The following PIK3IP1 variants were observed in gnomAD, a reference collection of about 807,000 sequenced individuals.
PIK3IP1 encodes the protein phosphoinositide-3-kinase-interacting protein 1.
PIK3IP1 carries 28 observed loss-of-function variants against 30.7 expected under a neutral mutation model. The ratio of observed to expected loss-of-function variants is 0.91; its 90% confidence interval spans 0.68 to 1.25. The LOEUF is 1.25. Ranked by LOEUF, PIK3IP1 falls within the 50% of genes most tolerant of loss-of-function variation. PIK3IP1 has a pLI of 0.00. For synonymous variants in PIK3IP1, 159 were observed against 140.8 expected (o/e 1.13, Z -0.91); for missense variants, 333 against 346.2 (o/e 0.96, Z 0.30).
intron 5 of PIK3IP1, among the ~76,000 whole-genome samples, chr22:31,288,514 A>G (rs999554732): frequency 6.6e-6 from 1 of 152,234 alleles, no homozygotes; most frequent in African/African-American, 2.4e-5. Context: ...GGAGAATATT[A>G]CAGACACCCA....
At chr22:31,288,033 C>T (rs1170269980) in intron 5 of PIK3IP1, among the ~76,000 whole-genome samples, 1 of 152,102 alleles carries the variant, frequency 6.6e-6, no homozygotes, top group African/African-American at 2.4e-5. Flanking sequence ...TTTAAAGATG[C>T]CCTGCTGGGT....
rs528560954 is a variant in PIK3IP1 at position 31,291,554 on chromosome 22, A to G, written c.71-258T>C. On this transcript the variant is annotated intron_variant, in intron 1 of 5. Coordinates refer to ENST00000215912, the MANE Select transcript of PIK3IP1 (RefSeq NM_052880.5). ...CCCCAGTCAACGCTCAGAGACTGTTAGGTTTTATTTATTTTTGAAACCTGG... is the reference window on the plus strand; with the variant it reads ...CCCCAGTCAACGCTCAGAGACTGTTGGGTTTTATTTATTTTTGAAACCTGG... Among the ~76,000 whole-genome samples the G allele has an allele frequency of 2.8e-5, 4 of 144,940 alleles. No individual in the cohort carries two copies. In the East Asian group the frequency reaches 8.7e-4, roughly 31 times the overall value.
At position 31,291,266 on chromosome 22, in the gene PIK3IP1, C is replaced by T; in HGVS notation, c.101G>A (p.Arg34Gln). The change falls in exon 2 of 6, where the codon CGG becomes CAG. Residue 34 changes from arginine (R) to glutamine (Q), a missense_variant. Arg to Gln is a conservative substitution (Grantham distance 43). Around this residue, in one of 3 missense-constraint regions of PIK3IP1, gnomAD observed 111 missense variants for 100.1 expected, o/e 1.11. Transcript: ENST00000215912. The part of the protein sequence containing the change: ...GCFWDNGHLY[R>Q]EDQTSPAPGL... ...CGGCGCGGGGGAGGTCTGGTCCTCC[C>T]GGTACAGGTGGCCGTTGTCCCAGAA... 1 of 1,555,374 alleles carries T rather than the reference C, an allele frequency of 6.4e-7. No individual in the cohort carries two copies. Among genetic ancestry groups the T allele is most frequent in the South Asian group, 1.2e-5 (1 of 84,384 alleles).
chr22:31,290,789 G>C, intron 3 of PIK3IP1, 176 bp downstream of exon 3: 1 of 911,460 alleles, frequency 1.1e-6, no homozygotes, highest in South Asian at 2.1e-5. Flanking sequence ...CATACGAGTG[G>C]CGGCGGCGGC....
At chr22:31,288,452 A>C (rs1181318270) in intron 5 of PIK3IP1, among the ~76,000 whole-genome samples, 1 of 150,690 alleles carries the variant, frequency 6.6e-6, no homozygotes, top group East Asian at 1.9e-4. Flanking sequence ...AGGAAGGAAA[A>C]ATGCAGGCTA....
At chr22:31,289,722 C>A in intron 3 of PIK3IP1, 23 bp from the exon 4 acceptor site, 1 of 1,551,368 alleles carries the variant, frequency 6.4e-7, no homozygotes. Flanking sequence ...TGGGAAACAG[C>A]TCTCATCAGG....
At chr22:31,289,814 C>CA in intron 3 of PIK3IP1, 115 bp from the exon 4 acceptor site, 1 of 1,108,016 alleles carries the variant, frequency 9.0e-7, no homozygotes, top group Non-Finnish European at 1.3e-6. Context: ...AATTTCCCCC[C>CA]ACACACAACC....
At chr22:31,291,322 A>G in intron 1 of PIK3IP1, 26 bp from the exon 2 acceptor site, 1 of 1,549,850 alleles carries the variant, frequency 6.5e-7, no homozygotes, top group Non-Finnish European at 8.7e-7. Context: ...GCCCCCGGAC[A>G]CAGAATAGCG....
chr22:31,283,239 T>G lies in PIK3IP1; in HGVS notation c.637A>C (p.Met213Leu). 1 of 1,614,190 alleles carries G rather than the reference T, an allele frequency of 6.2e-7. No individual in the cohort carries two copies. The highest frequency in any genetic ancestry group is 1.1e-5 in the South Asian group (1 of 91,086). The change falls in exon 6 of 6, where the codon ATG becomes CTG. Residue 213 changes from methionine to leucine, a missense_variant. Around this residue, in one of 3 missense-constraint regions of PIK3IP1, gnomAD observed 217 missense variants for 227.7 expected, o/e 0.95. Transcript: ENST00000215912. ...GACAAGGGCAGAGTGATTCGCTGCA[T>G]CTCCCTCTCACATACTTTCTGATCA... is the stretch of plus-strand genomic sequence containing the variant. Reference protein sequence around the residue: ...QHDQKVCEREMQRITLPLSAF... With the variant: ...QHDQKVCERELQRITLPLSAF...
intron 3 of PIK3IP1, 87 bp from the exon 4 acceptor site, chr22:31,289,786 G>A: frequency 7.2e-7 from 1 of 1,397,838 alleles, no homozygotes; most frequent in South Asian, 1.3e-5. Context: ...TAGGGTAGAT[G>A]AAGGTGGGTC....
intron 5 of PIK3IP1, among the ~76,000 whole-genome samples, chr22:31,283,683 C>A (rs7288643): frequency 0.38 from 57,883 of 151,476 alleles, 12,806 homozygotes; most frequent in Middle Eastern, 0.56. Context: ...CTCCCACCCC[C>A]CAAAGTACTG....
chr22:31,290,531 T>G, intron 3 of PIK3IP1: 1 of 161,240 alleles, frequency 6.2e-6, no homozygotes, highest in Non-Finnish European at 1.3e-5. Context: ...GCCATTGCCT[T>G]TGGTAAATCG....
At chr22:31,288,455 G>T (rs2049148426) in intron 5 of PIK3IP1, among the ~76,000 whole-genome samples, 1 of 151,938 alleles carries the variant, frequency 6.6e-6, no homozygotes, top group South Asian at 2.1e-4. Context: ...AAGGAAAAAT[G>T]CAGGCTACTG....
intron 3 of PIK3IP1, chr22:31,290,419 A>G (rs1247133565): frequency 6.6e-6 from 1 of 152,428 alleles, no homozygotes; most frequent in Non-Finnish European, 1.5e-5. Flanking sequence ...TAAATGCTTT[A>G]TTTTGATTAT....
intron 5 of PIK3IP1, among the ~76,000 whole-genome samples, chr22:31,285,835 G>A (rs1206100456): frequency 2.6e-5 from 4 of 152,176 alleles, no homozygotes; most frequent in Non-Finnish European, 5.9e-5. Context: ...GCTCCTCACT[G>A]TAAAATCTAA....
intron 1 of PIK3IP1, 22 bp from the exon 2 acceptor site, chr22:31,291,318 G>C: frequency 6.4e-7 from 1 of 1,551,116 alleles, no homozygotes; most frequent in Non-Finnish European, 8.7e-7. Flanking sequence ...AGAAGCCCCC[G>C]GACACAGAAT....
intron 5 of PIK3IP1, among the ~76,000 whole-genome samples, chr22:31,287,812 T>A (rs1240890697): frequency 1.3e-5 from 2 of 152,124 alleles, no homozygotes; most frequent in Non-Finnish European, 2.9e-5. Flanking sequence ...ATGCTAGGTG[T>A]GTAACCTCAG....
intron 5 of PIK3IP1, among the ~76,000 whole-genome samples, chr22:31,286,862 A>C (rs923328961): frequency 1.3e-5 from 2 of 152,200 alleles, no homozygotes; most frequent in Non-Finnish European, 2.9e-5. Flanking sequence ...GAAATGAACA[A>C]GCAGGTGTCC....
chr22:31,289,814 C>T (rs567570199), intron 3 of PIK3IP1, 115 bp from the exon 4 acceptor site: 1 of 1,108,016 alleles, frequency 9.0e-7, no homozygotes, highest in African/African-American at 1.6e-5. Context: ...AATTTCCCCC[C>T]ACACACAACC....
Sources: gnomAD v4.1 joint callset for allele counts (sites outside exome capture counted in the v4.1 genomes callset) on GRCh38, gnomAD v4.1.1 for gene constraint, gnomAD v4.1.1 regional missense constraint, MANE v1.5 for transcripts, NCBI Gene and HGNC (gene_info 2026-07-23, HGNC 2026-07-21) for gene names.